The following CBR4 variants were observed in gnomAD, a reference collection of about 807,000 sequenced individuals.
CBR4 encodes 3-oxoacyl-[acyl-carrier-protein] reductase.
In CBR4, 22 loss-of-function variants were observed where a neutral mutation model predicts 21.0. That is an observed-to-expected ratio of 1.05 (90% CI 0.75 to 1.50). The LOEUF (loss-of-function observed/expected upper bound fraction) is 1.50. Among genes scored for constraint, CBR4 ranks in the 40% most tolerant of loss-of-function variants. CBR4 has a pLI of 0.00. For synonymous variants in CBR4, 100 were observed against 104.4 expected (o/e 0.96, Z 0.26); for missense variants, 302 against 286.3 (o/e 1.05, Z -0.40).
intron 2 of CBR4, among the ~76,000 whole-genome samples, chr4:168,981,440 G>T (rs936186695): frequency 2.6e-5 from 4 of 152,034 alleles, no homozygotes; most frequent in African/African-American, 4.8e-5. Context: ...GAACCAAACT[G>T]AGCTGATAGA....
Position 169,002,065 on chromosome 4 carries a change from A to G in CBR4, c.535+6T>C. 1 of 1,562,712 alleles carries G rather than the reference A, an allele frequency of 6.4e-7. No homozygotes were observed. The highest frequency in any genetic ancestry group is 1.4e-5 in the African/African-American group (1 of 72,210). ...ATCAAGTTATTTTAATAAAGTTTTC[A>G]CTAACCTGGTGCAACTACATTCACT... On this transcript the variant is annotated splice_donor_region_variant and intron_variant, in intron 4 of 4. Coordinates refer to ENST00000306193, the MANE Select transcript of CBR4 (RefSeq NM_032783.5).
intron 2 of CBR4, among the ~76,000 whole-genome samples, chr4:168,947,377 A>G (rs1763421213): frequency 6.6e-6 from 1 of 151,798 alleles, no homozygotes; most frequent in African/African-American, 2.4e-5. Flanking sequence ...TCTGTCCTCA[A>G]TGTTTCTTTT....
chr4:168,906,401 C>T (rs1041596715), intron 2 of CBR4, among the ~76,000 whole-genome samples: 1 of 152,156 alleles, frequency 6.6e-6, no homozygotes, highest in Non-Finnish European at 1.5e-5. Context: ...TGACTCAGTG[C>T]TCATGGCCAA....
At chr4:168,899,262 C>G (rs1389738083) in intron 2 of CBR4, among the ~76,000 whole-genome samples, 4 of 152,166 alleles carry the variant, frequency 2.6e-5, no homozygotes, top group African/African-American at 9.7e-5. Flanking sequence ...GATGGGAGCT[C>G]TCTCCATACA....
chr4:168,919,556 T>G (rs1375635475), intron 2 of CBR4, among the ~76,000 whole-genome samples: 1 of 149,392 alleles, frequency 6.7e-6, no homozygotes, highest in Non-Finnish European at 1.5e-5. Flanking sequence ...CCTTGCCACA[T>G]GTACAGATAG....
At chr4:168,927,610 C>A in intron 2 of CBR4, 1 of 228,364 alleles carries the variant, frequency 4.4e-6, no homozygotes, top group Non-Finnish European at 8.7e-6. Flanking sequence ...TTCAAAGACA[C>A]CAAGATGTGG....
At chr4:168,915,142 T>C (rs141828557) in intron 2 of CBR4, among the ~76,000 whole-genome samples, 1 of 152,260 alleles carries the variant, frequency 6.6e-6, no homozygotes, top group Admixed American at 6.5e-5. Flanking sequence ...ATTAAAAAGC[T>C]AATAATTATT....
At chr4:168,929,789 G>C (rs1762915472) in intron 2 of CBR4, among the ~76,000 whole-genome samples, 1 of 152,178 alleles carries the variant, frequency 6.6e-6, no homozygotes, top group African/African-American at 2.4e-5. Context: ...CTGCTGTGAA[G>C]ATTATATGGG....
chr4:168,913,239 A>G (rs1238749665), intron 2 of CBR4, among the ~76,000 whole-genome samples: 1 of 150,954 alleles, frequency 6.6e-6, no homozygotes, highest in Non-Finnish European at 1.5e-5. Context: ...CGGGTTCAAT[A>G]GATTCTTCTG....
At chr4:168,965,071 A>G (rs1430084732) in intron 2 of CBR4, among the ~76,000 whole-genome samples, 3 of 152,204 alleles carry the variant, frequency 2.0e-5, no homozygotes, top group Non-Finnish European at 2.9e-5. Flanking sequence ...GTCTCAGGAT[A>G]CAAAATCAAT....
chr4:168,956,597 CAAAAAA>C (rs59962690), intron 2 of CBR4, among the ~76,000 whole-genome samples: 1 of 29,674 alleles, frequency 3.4e-5, no homozygotes, highest in Non-Finnish European at 6.3e-5. Context: ...GACCCTGTCT[CAAAAAA>C]AAAAAAAAAA....
chr4:168,926,865 AGAG>A (rs1762638722), intron 2 of CBR4: 1 of 220,690 alleles, frequency 4.5e-6, no homozygotes, highest in African/African-American at 2.2e-5. Flanking sequence ...TGAAAGAAGA[AGAG>A]ATGACAAAGA....
chr4:168,910,582 T>G (rs1758724899), intron 2 of CBR4, among the ~76,000 whole-genome samples: 1 of 152,212 alleles, frequency 6.6e-6, no homozygotes, highest in African/African-American at 2.4e-5. Context: ...ATTTAACATT[T>G]TGAGCATTGG....
chr4:168,966,632 T>C (rs1764044966), intron 2 of CBR4, among the ~76,000 whole-genome samples: 1 of 152,132 alleles, frequency 6.6e-6, no homozygotes, highest in East Asian at 1.9e-4. Flanking sequence ...CTTCAACCAT[T>C]GTGGAAGACA....
Position 168,898,491 on chromosome 4 carries a change from A to G in CBR4, n.170-3726T>C. On this transcript the variant is annotated intron_variant and non_coding_transcript_variant, in intron 2 of 3. Transcript: ENST00000509108. ...TGCTAACTTAAACTTTCCTTGATTC[A>G]GGAATACAAAGTCTCCAGCTGTGAA... 6.2e-7 allele frequency: 1 copy of G among 1,603,260 alleles called. No homozygotes were observed. Among genetic ancestry groups the G allele is most frequent in the Admixed American group, 1.7e-5 (1 of 60,002 alleles).
intron 2 of CBR4, chr4:168,898,209 T>C (rs990469465): frequency 1.1e-5 from 5 of 461,666 alleles, no homozygotes; most frequent in Admixed American, 6.8e-5. Flanking sequence ...TTTTCTTTCC[T>C]TCCCCTTGTT....
In CBR4 at chr4:168,917,266, T is replaced by G. The variant is rs190638567; in HGVS notation, n.170-22501A>C. Among the ~76,000 whole-genome samples, 482 of 151,992 alleles carry G rather than the reference T, an allele frequency of 3.2e-3. 4 individuals are homozygous for G. The highest frequency in any genetic ancestry group is 0.011 in the African/African-American group (460 of 41,452). Reference sequence around the variant, plus strand: ...GGTTTCACCATATTGGCCAGGCTGGTCTCAAACTCCTGACCTCGTGATCCG... The same window carrying G: ...GGTTTCACCATATTGGCCAGGCTGGGCTCAAACTCCTGACCTCGTGATCCG... On this transcript the variant is annotated intron_variant and non_coding_transcript_variant, in intron 2 of 3. Coordinates refer to the CBR4 transcript ENST00000509108.
intron 2 of CBR4, among the ~76,000 whole-genome samples, chr4:168,917,055 T>G (rs1378847358): frequency 2.0e-5 from 3 of 149,112 alleles, no homozygotes; most frequent in Non-Finnish European, 4.5e-5. Context: ...TGGGGTTTTT[T>G]TTTTTTTTTT....
rs1532651 is a variant in CBR4 at position 168,913,897 on chromosome 4, C to G, written n.170-19132G>C. On this transcript the variant is annotated intron_variant and non_coding_transcript_variant, in intron 2 of 3. Transcript: ENST00000509108. ...CTTAGTGGTTAATAGTTTTAAATAG[C>G]AAATCATTTATTTCCTGATATTTCT... is the stretch of plus-strand genomic sequence containing the variant. The G allele has an allele frequency of 0.74, 1,032,237 of 1,388,604 alleles. 388,972 individuals are homozygous for G. Among genetic ancestry groups the G allele is most frequent in the East Asian group, 0.95 (41,756 of 43,756 alleles). 86.0% of individuals were successfully genotyped at this position (1,388,604 alleles called of 1,614,324 possible).
Sources: gnomAD v4.1 joint callset for allele counts (sites outside exome capture counted in the v4.1 genomes callset) on GRCh38, gnomAD v4.1.1 for gene constraint, MANE v1.5 for transcripts, NCBI Gene and HGNC (gene_info 2026-07-23, HGNC 2026-07-21) for gene names.